The following RIF1 variants were observed in gnomAD, a reference collection of about 807,000 sequenced individuals.
The protein encoded by RIF1 is replication timing regulatory factor 1, also known as telomere-associated protein RIF1.
In RIF1, 45 loss-of-function variants were observed where a neutral mutation model predicts 247.1. The ratio of observed to expected loss-of-function variants is 0.18; its 90% confidence interval spans 0.14 to 0.23. The LOEUF is 0.23. Among genes scored for constraint, RIF1 ranks in the 10% least tolerant of loss-of-function variants. The probability of loss-of-function intolerance (pLI) is 1.00; values close to 1 mark genes in which losing one functional copy is unlikely to be tolerated. For missense variants in RIF1, 2,967 were observed against 2,862.5 expected, an observed-to-expected ratio of 1.04 and a Z score of -0.83; for synonymous variants, 1,087 against 978.8, an observed-to-expected ratio of 1.11 and a Z score of -2.06.
intron 20 of RIF1, 136 bp from the exon 21 acceptor site, chr2:151,451,470 A>C (rs976762421): frequency 8.3e-6 from 5 of 603,696 alleles, no homozygotes; most frequent in Non-Finnish European, 1.5e-5. Flanking sequence ...GCTGCACTTA[A>C]TGTACTGTAA....
intron 24 of RIF1, among the ~76,000 whole-genome samples, chr2:151,458,226 A>ATTTTTT (rs71403171): frequency 6.1e-5 from 6 of 99,168 alleles, no homozygotes; most frequent in East Asian, 3.3e-4. Flanking sequence ...GAAATAGATG[A>ATTTTTT]TTTTTTTTTT....
Position 151,496,419 on chromosome 2 carries a change from T to C in RIF1, c.*513+1093T>C, listed in dbSNP as rs1363235118. ...AAACAACCATGAGTAACATTTCATT[T>C]GTTGAGAGGTTTTAAGGGTAAGGTC... On this transcript the variant is annotated intron_variant and NMD_transcript_variant, in intron 10 of 13. Transcript: ENST00000454583. 4 of 1,552,942 alleles carry C rather than the reference T, an allele frequency of 2.6e-6. No homozygotes were observed. The East Asian group carries it at 9.2e-5, about 36-fold the overall frequency.
chr2:151,460,489 A>C (rs1027233435), intron 26 of RIF1, among the ~76,000 whole-genome samples: 6 of 147,032 alleles, frequency 4.1e-5, no homozygotes, highest in Non-Finnish European at 7.5e-5. Context: ...TAATATTTTG[A>C]ATAGAAATAA....
chr2:151,427,695 TG>T (rs1316754335), intron 8 of RIF1, among the ~76,000 whole-genome samples: 2 of 144,124 alleles, frequency 1.4e-5, no homozygotes, highest in African/African-American at 5.2e-5. Flanking sequence ...CTGAGGCGGG[TG>T]GGTCACTTGA....
At chr2:151,526,849 C>T in the RIF1 span, 1 of 1,118,192 alleles carries the variant, frequency 8.9e-7, no homozygotes, top group Non-Finnish European at 1.3e-6. Context: ...CCCTGGTGTC[C>T]CTGGGGACTG....
intron 25 of RIF1, 33 bp from the exon 26 acceptor site, chr2:151,459,967 T>C: frequency 6.8e-6 from 10 of 1,479,740 alleles, no homozygotes; most frequent in South Asian, 2.6e-5. Context: ...TACCGTTCTA[T>C]TTAATGAAAT....
intron 9 of RIF1, chr2:151,493,253 TTA>T (rs2057952122): frequency 8.6e-6 from 8 of 925,220 alleles, no homozygotes; most frequent in Admixed American, 2.5e-5. Flanking sequence ...TTTTAAAATT[TTA>T]GTGTGTTTTT....
chr2:151,461,694 G>A (rs1020406584), intron 27 of RIF1, among the ~76,000 whole-genome samples: 1 of 151,786 alleles, frequency 6.6e-6, no homozygotes, highest in African/African-American at 2.4e-5. Context: ...ACCCGGCCAC[G>A]TGTACTAAAT....
intron 2 of RIF1, 86 bp downstream of exon 2, chr2:151,410,613 A>C: frequency 9.2e-7 from 1 of 1,086,986 alleles, no homozygotes; most frequent in East Asian, 2.4e-5. Context: ...CGTAGAATGA[A>C]TGTGAGTTCT....
At chr2:151,456,208 A>G (rs1574088263) in intron 22 of RIF1, among the ~76,000 whole-genome samples, 3 of 152,240 alleles carry the variant, frequency 2.0e-5, no homozygotes, top group African/African-American at 7.2e-5. Context: ...TAAATTAACA[A>G]AGTTTTAGGA....
chr2:151,413,585 A>G (rs148051683), intron 3 of RIF1, among the ~76,000 whole-genome samples: 1 of 152,366 alleles, frequency 6.6e-6, no homozygotes, highest in Non-Finnish European at 1.5e-5. Flanking sequence ...AACACTTTCA[A>G]GTAAGTTTAA....
In RIF1 at chr2:151,465,029, G is replaced by A; in HGVS notation, c.5509G>A (p.Glu1837Lys). 1 of 1,580,038 alleles carries A rather than the reference G, an allele frequency of 6.3e-7. No individual in the cohort carries two copies. The highest frequency in any genetic ancestry group is 1.2e-5 in the South Asian group (1 of 84,060). Residue 1837 changes from glutamate (E) to lysine (K), a missense_variant, in exon 30 of 36, where the codon GAA becomes AAA. Physicochemically the swap from Glu to Lys is moderately conservative, Grantham distance 56. Transcript: ENST00000444746. ...TTCTGGAATAGTAAACTTTAGAGAG[G>A]AAATTTGTGATATGGATTCTAGTGA... is the stretch of plus-strand genomic sequence containing the variant. ...LPSGIVNFREEICDMDSSEAM... is the reference protein window; with the variant it reads ...LPSGIVNFREKICDMDSSEAM...
At position 151,497,519 on chromosome 2, in the gene RIF1, A is replaced by G. The variant is rs972264212; in HGVS notation, c.*514-1826A>G. The stretch of plus-strand genomic sequence containing the variant: ...GGATAAATTTGCTAAAGAAATTCAC[A>G]AAATTTAAGTTGTCTTTAAAAAGTA... On this transcript the variant is annotated intron_variant and NMD_transcript_variant, in intron 10 of 13. Transcript: ENST00000454583. The G allele has an allele frequency of 1.3e-5, 20 of 1,499,246 alleles. No homozygotes were observed. In the Admixed American group the frequency reaches 4.7e-4, roughly 35 times the overall value. The allele number at this position is 1,499,246 out of a possible 1,614,324, so 92.9% of individuals were successfully genotyped here. A position where few individuals can be genotyped will look rare whatever the true frequency, so the allele number is the denominator to read the frequency against.
chr2:151,456,400 G>A (rs985233643), intron 22 of RIF1, among the ~76,000 whole-genome samples, 178 bp from the exon 23 acceptor site: 1 of 152,018 alleles, frequency 6.6e-6, no homozygotes, highest in Non-Finnish European at 1.5e-5. Flanking sequence ...AAGATGGGAT[G>A]GTTTTATGCT....
the RIF1 span, chr2:151,516,393 A>G: frequency 0.022 from 24,647 of 1,130,666 alleles, 360 homozygotes; most frequent in African/African-American, 0.054. Context: ...TGGCCATGTC[A>G]TGGGCAGAGC....
At chr2:151,492,092 A>G in intron 9 of RIF1, 1 of 1,613,604 alleles carries the variant, frequency 6.2e-7, no homozygotes, top group Non-Finnish European at 8.5e-7. Context: ...ACCCAGGCTC[A>G]GTTACCTGTA....
exon 13 of RIF1, chr2:151,506,337 T>C: frequency 9.4e-7 from 1 of 1,064,376 alleles, no homozygotes; most frequent in South Asian, 1.5e-5. Flanking sequence ...CTAGGACACA[T>C]GGCTTTTGTG....
At chr2:151,529,148 C>A in the RIF1 span, 2 of 1,082,220 alleles carry the variant, frequency 1.8e-6, no homozygotes, top group Middle Eastern at 4.0e-4. Context: ...TAAAAAGAGG[C>A]CATGTGTCCT....
rs779860997 is a variant in RIF1, at chr2:151,458,835, A to G, written c.2880A>G (p.Gln960=). 8 of 1,612,830 alleles carry G rather than the reference A, an allele frequency of 5.0e-6. No individual in the cohort carries two copies. The highest frequency in any genetic ancestry group is 1.7e-5 in the Admixed American group (1 of 59,850). Residue 960 remains glutamine, a synonymous_variant, in exon 25 of 36, where the codon CAA becomes CAG. Transcript: ENST00000444746. ...GACCAGTACTAACACAAGCCAAACA[A>G]AAATTTCTGCTCCTGTTGCCTGGTT... The part of the protein sequence containing the change: ...ELKPVLTQAK[Q]KFLLLLPGLE...
Sources: gnomAD v4.1 joint callset for allele counts (sites outside exome capture counted in the v4.1 genomes callset) on GRCh38, gnomAD v4.1.1 for gene constraint, MANE v1.5 for transcripts, NCBI Gene and HGNC (gene_info 2026-07-23, HGNC 2026-07-21) for gene names.